SYTL5: variants seen among roughly 807,000 people sequenced by gnomAD.
SYTL5 encodes the protein synaptotagmin like 5.
A neutral mutation model predicts 55.9 loss-of-function variants in SYTL5; 34 were observed. That is an observed-to-expected ratio of 0.61 (90% CI 0.46 to 0.81). The LOEUF is 0.81. Ranked by LOEUF, SYTL5 falls within the 30% of genes least tolerant of loss-of-function variation. The pLI is 0.00. For synonymous variants in SYTL5, 221 were observed against 188.7 expected (o/e 1.17, Z -1.40); for missense variants, 637 against 546.7 (o/e 1.17, Z -1.65).
the SYTL5 span, among the ~76,000 whole-genome samples, chrX:37,954,997 C>G: frequency 2.0e-4 from 22 of 110,710 alleles, no homozygotes; most frequent in Non-Finnish European, 4.2e-4. Context: ...GCAACAAAGT[C>G]TTATCAATAG....
chrX:38,082,983 T>A (rs1936571625), intron 6 of SYTL5, among the ~76,000 whole-genome samples: 1 of 112,161 alleles, frequency 8.9e-6, no homozygotes, highest in Non-Finnish European at 1.9e-5. Context: ...AACATCCTAC[T>A]CAGAACAAGA....
the SYTL5 span, among the ~76,000 whole-genome samples, chrX:37,954,312 T>C: frequency 9.0e-6 from 1 of 111,627 alleles, no homozygotes; most frequent in Non-Finnish European, 1.9e-5. Context: ...GCTTAGCTGA[T>C]TTGTGGACCA....
the SYTL5 span, among the ~76,000 whole-genome samples, chrX:37,908,429 G>T: frequency 8.9e-6 from 1 of 111,936 alleles, no homozygotes; most frequent in Non-Finnish European, 1.9e-5. Context: ...TGCCCTTAGT[G>T]GCAAAGGAGA....
chrX:38,106,821 T>C (rs368132454), intron 11 of SYTL5, 50 bp downstream of exon 11: 1 of 1,033,562 alleles, frequency 9.7e-7, no homozygotes, highest in Non-Finnish European at 1.3e-6. Context: ...GCCTTTTTTG[T>C]CTGTATGTGT....
chrX:37,893,404 A>G, the SYTL5 span, among the ~76,000 whole-genome samples: 1 of 97,406 alleles, frequency 1.0e-5, no homozygotes, highest in Non-Finnish European at 2.0e-5. Flanking sequence ...TTTGACATAT[A>G]CTATATATAG....
Position 38,105,694 on chromosome X carries a change from A to G in SYTL5, c.1156-899A>G, listed in dbSNP as rs748167885. ...TCCTTTCACATACTCAAAACAGCATACAATTTAAAACTTATGAATTTTTTG... is the reference window on the plus strand; with the variant it reads ...TCCTTTCACATACTCAAAACAGCATGCAATTTAAAACTTATGAATTTTTTG... On this transcript the variant is annotated intron_variant, in intron 10 of 16. Coordinates refer to ENST00000297875, the MANE Select transcript of SYTL5 (RefSeq NM_138780.3). 3.7e-3 allele frequency among the ~76,000 whole-genome samples: 418 copies of G among 112,187 alleles called. 1 individual carries two copies. Among genetic ancestry groups the G allele is most frequent in the African/African-American group, 0.013 (395 of 30,894 alleles).
At chrX:37,996,675 C>T in the SYTL5 span, among the ~76,000 whole-genome samples, 68 of 112,004 alleles carry the variant, frequency 6.1e-4, no homozygotes, top group Middle Eastern at 9.1e-3. Context: ...TTGGCTTTAC[C>T]GCAAGGCCTG....
the SYTL5 span, among the ~76,000 whole-genome samples, chrX:37,999,621 T>G: frequency 3.6e-5 from 4 of 112,041 alleles, no homozygotes; most frequent in East Asian, 1.1e-3. Context: ...AGAGCTGACT[T>G]CTGGTCCCCT....
At chrX:37,949,478 G>A in the SYTL5 span, 1 of 111,682 alleles carries the variant, frequency 9.0e-6, no homozygotes, top group Non-Finnish European at 1.9e-5. Context: ...ATTGCTTGCT[G>A]CCCAAAGCAT....
rs978928672 is a variant in SYTL5 at position 38,020,424 on chromosome X, T to C, written c.-356-13110T>C. 3.7e-4 allele frequency among the ~76,000 whole-genome samples: 33 copies of C among 90,217 alleles called. No individual in the cohort carries two copies. The East Asian group carries it at 6.1e-3, about 17-fold the overall frequency. The allele number at this position is 90,217 out of a possible 115,157, so 78.3% of individuals were successfully genotyped here. On this transcript the variant is annotated intron_variant, in intron 1 of 16. Coordinates refer to ENST00000297875, the MANE Select transcript of SYTL5 (RefSeq NM_138780.3). ...ATGTGTGTGCATATATATATATATA[T>C]ATATATATATATATATATATATATA...
chrX:38,034,544 A>C (rs1232974283), intron 2 of SYTL5, among the ~76,000 whole-genome samples: 3 of 112,485 alleles, frequency 2.7e-5, no homozygotes, highest in Non-Finnish European at 5.6e-5. Context: ...TGCGAGAAGA[A>C]AGGGACCTGG....
intron 6 of SYTL5, among the ~76,000 whole-genome samples, chrX:38,080,251 G>T (rs1026847679): frequency 8.9e-6 from 1 of 111,834 alleles, no homozygotes; most frequent in African/African-American, 3.3e-5. Flanking sequence ...AGTAAAACTA[G>T]AACTTTGAAC....
chrX:38,036,420 G>C (rs867425597), intron 2 of SYTL5, among the ~76,000 whole-genome samples: 1 of 111,337 alleles, frequency 9.0e-6, no homozygotes, highest in Middle Eastern at 4.7e-3. Context: ...CGGTTAAATT[G>C]GGTGTAATAT....
At chrX:37,925,651 G>C in the SYTL5 span, among the ~76,000 whole-genome samples, 1 of 110,785 alleles carries the variant, frequency 9.0e-6, no homozygotes, top group Admixed American at 9.6e-5. Flanking sequence ...GGTGGTATTT[G>C]GTTACATGAG....
intron 1 of SYTL5, among the ~76,000 whole-genome samples, chrX:38,014,829 T>C (rs55680989): frequency 0.013 from 1,410 of 112,439 alleles, 8 homozygotes; most frequent in Non-Finnish European, 0.016. Context: ...TACACATTTG[T>C]CTTCTGTGAC....
chrX:38,024,310 G>A (rs898904296), intron 1 of SYTL5, among the ~76,000 whole-genome samples: 12 of 110,667 alleles, frequency 1.1e-4, no homozygotes, highest in Admixed American at 5.8e-4. Context: ...CCCTGCACTC[G>A]CTCTTTTGCC....
chrX:38,081,164 C>CT (rs199940071), intron 6 of SYTL5, among the ~76,000 whole-genome samples: 3,839 of 111,739 alleles, frequency 0.034, 64 homozygotes, highest in Middle Eastern at 0.061. Context: ...CTGCTAATTC[C>CT]TTTTTTTCCA....
At chrX:37,938,773 T>A in the SYTL5 span, among the ~76,000 whole-genome samples, 2 of 111,781 alleles carry the variant, frequency 1.8e-5, no homozygotes, top group Admixed American at 1.9e-4. Flanking sequence ...TTCCCTTTTA[T>A]CAGCTAAGCT....
the SYTL5 span, chrX:37,906,613 AC>A: frequency 8.9e-6 from 1 of 112,125 alleles, no homozygotes; most frequent in Non-Finnish European, 1.9e-5. Context: ...GCTTAAGGTA[AC>A]TGCAGTTGTT....
Sources: allele counts gnomAD v4.1 joint callset (sites outside exome capture counted in the v4.1 genomes callset), GRCh38; gene constraint gnomAD v4.1.1; transcripts MANE v1.5; gene names NCBI Gene and HGNC (gene_info 2026-07-23, HGNC 2026-07-21).